Variants in NEGR1 observed in about 807,000 individuals in gnomAD.
NEGR1 encodes neuronal growth regulator 1, also known as IgLON family member 4.
NEGR1 carries 10 observed loss-of-function variants against 40.9 expected under a neutral mutation model. The ratio of observed to expected loss-of-function variants is 0.24; its 90% CI spans 0.15 to 0.42. The LOEUF is 0.42. Among genes scored for constraint, NEGR1 ranks in the 10% least tolerant of loss-of-function variants. The pLI is 1.00. For synonymous variants in NEGR1, 185 were observed against 166.8 expected (o/e 1.11, Z -0.84); for missense variants, 352 against 438.9 (o/e 0.80, Z 1.77).
intron 1 of NEGR1, among the ~76,000 whole-genome samples, chr1:72,278,370 T>C (rs750143409): frequency 1.5e-4 from 23 of 152,038 alleles, no homozygotes; most frequent in Admixed American, 5.2e-4. Context: ...AGAAACAGAT[T>C]GAAAAAATTA....
At chr1:71,626,035 T>G (rs994943273) in intron 4 of NEGR1, among the ~76,000 whole-genome samples, 1 of 151,756 alleles carries the variant, frequency 6.6e-6, no homozygotes, top group African/African-American at 2.4e-5. Context: ...TGCATGCTCC[T>G]TATGAGAATC....
At chr1:71,897,064 G>T (rs189784082) in intron 2 of NEGR1, among the ~76,000 whole-genome samples, 270 of 152,190 alleles carry the variant, frequency 1.8e-3, no homozygotes, top group Non-Finnish European at 3.1e-3. Flanking sequence ...GATACAGACT[G>T]CACTGATTCC....
At chr1:71,736,327 C>T (rs1197659408) in intron 3 of NEGR1, among the ~76,000 whole-genome samples, 1 of 152,008 alleles carries the variant, frequency 6.6e-6, no homozygotes, top group Non-Finnish European at 1.5e-5. Flanking sequence ...ATCTTGTATA[C>T]TTTCACAAGA....
chr1:71,898,887 T>TATA (rs1661049673), intron 2 of NEGR1, among the ~76,000 whole-genome samples: 1 of 132,958 alleles, frequency 7.5e-6, no homozygotes, highest in African/African-American at 2.9e-5. Context: ...TGCAAATATA[T>TATA]ATATATTGCA....
chr1:71,617,392 T>C (rs1176279297), intron 4 of NEGR1, among the ~76,000 whole-genome samples: 2 of 152,238 alleles, frequency 1.3e-5, no homozygotes, highest in African/African-American at 4.8e-5. Flanking sequence ...CTACTGATGT[T>C]GACAAGGCAA....
At chr1:71,564,795 A>G (rs1268474796) in intron 6 of NEGR1, among the ~76,000 whole-genome samples, 1 of 152,146 alleles carries the variant, frequency 6.6e-6, no homozygotes, top group East Asian at 1.9e-4. Context: ...GAACTCACAG[A>G]TCATATAATC....
intron 1 of NEGR1, 99 bp downstream of exon 1, chr1:72,282,220 C>A: frequency 1.5e-6 from 2 of 1,346,130 alleles, no homozygotes; most frequent in Non-Finnish European, 2.1e-6. Context: ...ATGAGCACCA[C>A]CAGCATTATT....
intron 6 of NEGR1, among the ~76,000 whole-genome samples, chr1:71,503,984 CTAA>C (rs1436963752): frequency 6.7e-6 from 1 of 149,818 alleles, no homozygotes; most frequent in African/African-American, 2.5e-5. Flanking sequence ...TCTTGAGGAA[CTAA>C]TAATTAAAGG....
intron 6 of NEGR1, among the ~76,000 whole-genome samples, chr1:71,428,484 ATGTGC>A (rs1646443627): frequency 6.6e-6 from 1 of 152,176 alleles, no homozygotes. Context: ...CATTATATCA[ATGTGC>A]TGTCAGCAAA....
intron 1 of NEGR1, among the ~76,000 whole-genome samples, chr1:72,151,591 C>G (rs1031850307): frequency 4.0e-5 from 6 of 151,764 alleles, no homozygotes; most frequent in South Asian, 4.1e-4. Context: ...ACACTTTACT[C>G]TCATTATTAC....
At chr1:71,696,102 T>C (rs1410180345) in intron 4 of NEGR1, among the ~76,000 whole-genome samples, 1 of 151,752 alleles carries the variant, frequency 6.6e-6, no homozygotes, top group African/African-American at 2.4e-5. Flanking sequence ...GAAACTGCTG[T>C]AGACTCTTCA....
At chr1:72,222,820 G>A (rs1194286) in intron 1 of NEGR1, among the ~76,000 whole-genome samples, 72,766 of 151,702 alleles carry the variant, frequency 0.48, 18,106 homozygotes, top group African/African-American at 0.59. Context: ...ACCATAATGG[G>A]AATGTTGCAT....
intron 1 of NEGR1, among the ~76,000 whole-genome samples, chr1:72,073,228 C>T (rs970164971): frequency 1.3e-5 from 2 of 152,048 alleles, no homozygotes; most frequent in Non-Finnish European, 2.9e-5. Flanking sequence ...TTCTGAGGAT[C>T]GATCAATAGA....
chr1:71,548,511 A>G (rs1009940884), intron 6 of NEGR1, among the ~76,000 whole-genome samples: 3 of 151,724 alleles, frequency 2.0e-5, no homozygotes, highest in African/African-American at 7.2e-5. Context: ...TTGGGCTCCA[A>G]TCTGGATTTG....
chr1:71,686,047 T>C (rs896812493), intron 4 of NEGR1, among the ~76,000 whole-genome samples: 1 of 145,582 alleles, frequency 6.9e-6, no homozygotes, highest in African/African-American at 2.5e-5. Flanking sequence ...CTTTTTTTTT[T>C]CACTATGACT....
intron 3 of NEGR1, among the ~76,000 whole-genome samples, chr1:71,757,842 A>G (rs1045625563): frequency 6.6e-6 from 1 of 152,134 alleles, no homozygotes; most frequent in East Asian, 1.9e-4. Context: ...TGATTTTATC[A>G]CATAAGAACA....
intron 4 of NEGR1, among the ~76,000 whole-genome samples, chr1:71,695,874 T>G (rs1387925460): frequency 6.6e-6 from 1 of 151,796 alleles, no homozygotes; most frequent in Non-Finnish European, 1.5e-5. Context: ...GCAGGTTTGT[T>G]TGCTGCCATT....
chr1:71,615,297 A>G (rs983037750), intron 4 of NEGR1, among the ~76,000 whole-genome samples: 1 of 151,958 alleles, frequency 6.6e-6, no homozygotes, highest in East Asian at 1.9e-4. Context: ...TGAAAAAAAA[A>G]ATATTCCTGG....
At chr1:71,887,813 G>C (rs1660767226) in intron 2 of NEGR1, among the ~76,000 whole-genome samples, 1 of 151,984 alleles carries the variant, frequency 6.6e-6, no homozygotes, top group South Asian at 2.1e-4. Flanking sequence ...TGTTATTAAA[G>C]GATAAGCAAT....
Sources: allele counts gnomAD v4.1 joint callset (sites outside exome capture counted in the v4.1 genomes callset), GRCh38; gene constraint gnomAD v4.1.1; transcripts MANE v1.5; gene names NCBI Gene and HGNC (gene_info 2026-07-23, HGNC 2026-07-21).